Variants in RERE observed in about 807,000 individuals in gnomAD.
RERE encodes the protein arginine-glutamic acid dipeptide repeats.
Under a neutral mutation model 146.1 loss-of-function variants are expected in RERE, and 40 were observed. That is an observed-to-expected ratio of 0.27 (90% CI 0.21 to 0.36). The LOEUF (loss-of-function observed/expected upper bound fraction) is 0.36. Among genes scored for constraint, RERE ranks in the 10% least tolerant of loss-of-function variants. The probability of loss-of-function intolerance (pLI) is 1.00; values close to 1 mark genes in which losing one functional copy is unlikely to be tolerated. For synonymous variants in RERE, 1,003 were observed against 866.0 expected (o/e 1.16, Z -2.78); for missense variants, 1,933 against 2,138.7 (o/e 0.90, Z 1.90).
chr1:8,360,672 G>A lies in RERE; in HGVS notation c.2835C>T (p.His945=), dbSNP rs1641531893. 1.3e-6 allele frequency: 2 copies of A among 1,545,772 alleles called. No individual in the cohort carries two copies. Among genetic ancestry groups the A allele is most frequent in the South Asian group, 2.5e-5 (2 of 81,006 alleles). ...PIPQLPAPQA[H]KHPPHLSGPS... ...GCCCCGAGAGGTGGGGAGGGTGCTT[G>A]TGGGCCTGTGGCGCCGGCAGCTGGG... Residue 945 remains histidine (H), a synonymous_variant, in exon 18 of 23, where the codon CAC becomes CAT. Transcript: ENST00000400908.
chr1:8,517,246 A>C (rs945182324), intron 7 of RERE, among the ~76,000 whole-genome samples: 22 of 152,334 alleles, frequency 1.4e-4, no homozygotes, highest in African/African-American at 5.3e-4. Flanking sequence ...ATCAGAAAGA[A>C]CACCAGACAT....
chr1:8,481,095 C>G (rs549773283), intron 10 of RERE, among the ~76,000 whole-genome samples: 11 of 152,266 alleles, frequency 7.2e-5, no homozygotes, highest in Non-Finnish European at 2.9e-5. Flanking sequence ...AACAGCAAAT[C>G]CTCCAAATTA....
chr1:8,571,973 A>T (rs1258173955), intron 4 of RERE, among the ~76,000 whole-genome samples: 2 of 152,224 alleles, frequency 1.3e-5, no homozygotes, highest in Non-Finnish European at 2.9e-5. Context: ...TGTCAAAAAG[A>T]TTCTGCATCA....
chr1:8,601,428 T>C (rs994525963), intron 4 of RERE, among the ~76,000 whole-genome samples: 5 of 152,098 alleles, frequency 3.3e-5, no homozygotes, highest in Non-Finnish European at 5.9e-5. Flanking sequence ...TGTGAATAAT[T>C]AGTACCCCCT....
At chr1:8,494,181 AATT>A (rs1421214016) in intron 10 of RERE, among the ~76,000 whole-genome samples, 1 of 152,178 alleles carries the variant, frequency 6.6e-6, no homozygotes, top group Non-Finnish European at 1.5e-5. Context: ...ATTTTTTAGA[AATT>A]ATTCGTGTAA....
chr1:8,813,349 C>G (rs1182327389), intron 1 of RERE, among the ~76,000 whole-genome samples: 1 of 152,182 alleles, frequency 6.6e-6, no homozygotes, highest in Non-Finnish European at 1.5e-5. Context: ...AGTAGGAAAG[C>G]ATACTACTCT....
At chr1:8,796,466 AG>A (rs1299312545) in intron 1 of RERE, 2 of 152,192 alleles carry the variant, frequency 1.3e-5, no homozygotes, top group Non-Finnish European at 2.9e-5. Flanking sequence ...TGCAACTAAA[AG>A]GCAAAGGAAC....
chr1:8,370,283 C>T (rs545890062), intron 12 of RERE, among the ~76,000 whole-genome samples: 2 of 151,892 alleles, frequency 1.3e-5, no homozygotes, highest in East Asian at 3.9e-4. Flanking sequence ...CTGCGTGAGT[C>T]CTTCCCAGAG....
chr1:8,719,484 C>A (rs962331439), intron 1 of RERE, among the ~76,000 whole-genome samples: 1 of 152,060 alleles, frequency 6.6e-6, no homozygotes, highest in African/African-American at 2.4e-5. Flanking sequence ...GATATACTAC[C>A]AACAGGCACC....
At chr1:8,460,076 C>A (rs936332538) in intron 11 of RERE, among the ~76,000 whole-genome samples, 5 of 152,204 alleles carry the variant, frequency 3.3e-5, no homozygotes, top group Non-Finnish European at 7.3e-5. Flanking sequence ...GTTTTCACCT[C>A]CACAACCTCC....
intron 7 of RERE, among the ~76,000 whole-genome samples, chr1:8,537,656 C>T (rs1292034066): frequency 6.6e-6 from 1 of 152,054 alleles, no homozygotes; most frequent in South Asian, 2.1e-4. Context: ...TAAGTTTATA[C>T]CTAATAATAA....
chr1:8,368,455 C>G (rs1278505147), intron 12 of RERE, among the ~76,000 whole-genome samples: 1 of 137,912 alleles, frequency 7.3e-6, no homozygotes, highest in African/African-American at 2.7e-5. Context: ...GCCTGGGCGA[C>G]AGAGTGAGAC....
At chr1:8,501,154 G>A (rs1319663461) in intron 8 of RERE, among the ~76,000 whole-genome samples, 32 of 149,394 alleles carry the variant, frequency 2.1e-4, no homozygotes, top group Admixed American at 2.1e-3. Flanking sequence ...TGCCCCGTCC[G>A]GGAGGGGGGG....
intron 1 of RERE, among the ~76,000 whole-genome samples, chr1:8,742,867 C>CAA (rs1330011632): frequency 6.7e-4 from 62 of 93,148 alleles, no homozygotes; most frequent in African/African-American, 2.3e-3. Context: ...GATCCTGTCT[C>CAA]AAAAAAAAAA....
At chr1:8,410,874 A>G (rs1643596223) in intron 12 of RERE, among the ~76,000 whole-genome samples, 1 of 152,184 alleles carries the variant, frequency 6.6e-6, no homozygotes, top group Non-Finnish European at 1.5e-5. Flanking sequence ...GCACAACCGC[A>G]GCTCACTATT....
Position 8,557,833 on chromosome 1 carries a change from CAT to C in RERE, c.523-312_523-311del, listed in dbSNP as rs766266381. Among the ~76,000 whole-genome samples, 376 of 152,314 alleles carry C rather than the reference CAT, an allele frequency of 2.5e-3. 2 individuals carry two copies. Among genetic ancestry groups the C allele is most frequent in the Non-Finnish European group, 2.5e-3 (167 of 68,030 alleles). On this transcript the variant is annotated intron_variant, in intron 4 of 22. Transcript: ENST00000400908. Reference sequence around the variant, plus strand: ...CATTCAAAATTACATTTTTATTTAACATTAACTATACAATACTACATTAATAT... The same window carrying C: ...CATTCAAAATTACATTTTTATTTAACTAACTATACAATACTACATTAATAT...
intron 11 of RERE, among the ~76,000 whole-genome samples, chr1:8,433,621 C>T (rs1209230793): frequency 1.4e-5 from 2 of 146,154 alleles, no homozygotes; most frequent in African/African-American, 5.2e-5. Flanking sequence ...ACTGCAGTGG[C>T]GCAATCTCGG....
chr1:8,641,097 A>C (rs1647170221), intron 2 of RERE, among the ~76,000 whole-genome samples: 1 of 152,240 alleles, frequency 6.6e-6, no homozygotes, highest in African/African-American at 2.4e-5. Context: ...AAGCTGTCAG[A>C]ATAAATAGAA....
At chr1:8,586,540 T>A (rs2124083743) in intron 4 of RERE, among the ~76,000 whole-genome samples, 1 of 152,198 alleles carries the variant, frequency 6.6e-6, no homozygotes, top group African/African-American at 2.4e-5. Context: ...GAAAAATGCA[T>A]CAACTAAAGC....
Sources: gnomAD v4.1 joint callset for allele counts (sites outside exome capture counted in the v4.1 genomes callset) on GRCh38, gnomAD v4.1.1 for gene constraint, MANE v1.5 for transcripts, NCBI Gene and HGNC (gene_info 2026-07-23, HGNC 2026-07-21) for gene names.